The following SIK2 variants were observed in gnomAD, a reference collection of about 807,000 sequenced individuals.
The protein encoded by SIK2 is serine/threonine-protein kinase SIK2.
SIK2 carries 29 observed loss-of-function variants against 103.2 expected under a neutral mutation model. That is an observed-to-expected ratio of 0.28 (90% CI 0.21 to 0.38). The LOEUF is 0.38. Among genes scored for constraint, SIK2 ranks in the 10% least tolerant of loss-of-function variants. SIK2 has a pLI of 1.00. For synonymous variants in SIK2, 412 were observed against 446.1 expected (o/e 0.92, Z 0.96); for missense variants, 879 against 1,171.0 (o/e 0.75, Z 3.64).
At chr11:111,693,973 T>G (rs1331250901) in intron 4 of SIK2, among the ~76,000 whole-genome samples, 1 of 152,218 alleles carries the variant, frequency 6.6e-6, no homozygotes, top group Non-Finnish European at 1.5e-5. Context: ...CTTCTCAGTT[T>G]CCTTATCTGT....
chr11:111,627,431 A>G (rs781582884), intron 3 of SIK2, among the ~76,000 whole-genome samples: 1 of 152,130 alleles, frequency 6.6e-6, no homozygotes, highest in Non-Finnish European at 1.5e-5. Flanking sequence ...TTAACCTCTT[A>G]CTGTGCCTAA....
chr11:111,663,904 AG>A (rs2135873621), intron 3 of SIK2, among the ~76,000 whole-genome samples: 1 of 152,348 alleles, frequency 6.6e-6, no homozygotes, highest in Non-Finnish European at 1.5e-5. Flanking sequence ...ACTAAAGCAC[AG>A]AAAAGTAGCT....
intron 3 of SIK2, among the ~76,000 whole-genome samples, chr11:111,632,082 A>G (rs1942047641): frequency 6.6e-6 from 1 of 152,200 alleles, no homozygotes; most frequent in Non-Finnish European, 1.5e-5. Context: ...GTAGAAAACA[A>G]TTGTCAGGAG....
chr11:111,613,926 TA>T (rs765575060), intron 1 of SIK2, among the ~76,000 whole-genome samples: 28 of 152,072 alleles, frequency 1.8e-4, no homozygotes, highest in Admixed American at 3.3e-4. Context: ...AGGTGAGAAG[TA>T]AAACTTACAG....
intron 2 of SIK2, among the ~76,000 whole-genome samples, chr11:111,617,461 G>A (rs1433730805): frequency 6.6e-6 from 1 of 152,182 alleles, no homozygotes; most frequent in Non-Finnish European, 1.5e-5. Context: ...ATGGTATGCT[G>A]GACTCCGCCT....
At position 111,608,788 on chromosome 11, in the gene SIK2, A is replaced by C. The variant is rs114361704; in HGVS notation, c.135+6090A>C. 5.8e-3 allele frequency among the ~76,000 whole-genome samples: 890 copies of C among 152,250 alleles called. 12 individuals are homozygous for C. Among genetic ancestry groups the C allele is most frequent in the African/African-American group, 0.02 (851 of 41,540 alleles). ...TACATACATCTTTGTGCATGTATCT[A>C]ATTATTTCCTCAGTGTAATTGCCTA... On this transcript the variant is annotated intron_variant, in intron 1 of 14. Coordinates refer to ENST00000304987, the MANE Select transcript of SIK2 (RefSeq NM_015191.3).
intron 4 of SIK2, among the ~76,000 whole-genome samples, chr11:111,697,715 A>G (rs538861898): frequency 1.3e-5 from 2 of 152,222 alleles, no homozygotes. Context: ...TGTTTGGCAG[A>G]GGGCAGTGGC....
chr11:111,644,894 T>C (rs1942235243), intron 3 of SIK2, among the ~76,000 whole-genome samples: 1 of 152,218 alleles, frequency 6.6e-6, no homozygotes, highest in South Asian at 2.1e-4. Flanking sequence ...CTGAAGTTAC[T>C]AATGGGCTGG....
rs373744272 is a variant in SIK2, at chr11:111,715,960, C to T, written c.1266+3585C>T. On this transcript the variant is annotated intron_variant, in intron 9 of 14. Coordinates refer to ENST00000304987, the MANE Select transcript of SIK2 (RefSeq NM_015191.3). ...GGGAGTACAGGCGCCTGCCACCACA[C>T]CCAGCTAAGTTCTGTACTTTTAGTA... is the stretch of plus-strand genomic sequence containing the variant. Among the ~76,000 whole-genome samples, 23 of 152,124 alleles carry T rather than the reference C, an allele frequency of 1.5e-4. No individual in the cohort carries two copies. The East Asian group carries it at 2.1e-3, about 14-fold the overall frequency.
At chr11:111,626,247 G>A (rs1941958814) in intron 3 of SIK2, among the ~76,000 whole-genome samples, 1 of 152,082 alleles carries the variant, frequency 6.6e-6, no homozygotes, top group African/African-American at 2.4e-5. Flanking sequence ...TGAAATCTTT[G>A]GATAGTCTTC....
At chr11:111,624,530 T>C (rs1350885624) in intron 3 of SIK2, among the ~76,000 whole-genome samples, 1 of 152,248 alleles carries the variant, frequency 6.6e-6, no homozygotes, top group Non-Finnish European at 1.5e-5. Flanking sequence ...TGCCTTTCTT[T>C]CCTATTTCTT....
At chr11:111,638,212 G>C (rs74623938) in intron 3 of SIK2, among the ~76,000 whole-genome samples, 2 of 152,160 alleles carry the variant, frequency 1.3e-5, no homozygotes, top group African/African-American at 4.8e-5. Context: ...GTCAGTATCC[G>C]GTATGCATGT....
intron 2 of SIK2, 77 bp downstream of exon 2, chr11:111,616,436 T>C (rs866437068): frequency 3.6e-6 from 3 of 840,870 alleles, no homozygotes; most frequent in Middle Eastern, 2.6e-4. Flanking sequence ...TTTCTTCTTA[T>C]ATTTGTTTTT....
chr11:111,723,766 C>T lies in SIK2; in HGVS notation c.2418C>T (p.Ser806=), dbSNP rs750280910. ...EMQLQPLPST[S]GPRAAPPLPT... is the part of the protein sequence containing the mutation. ...AGCTTCAGCCCCTGCCCTCCACTTC[C>T]GGTCCCCGGGCTGCTCCTCCTCTGC... Residue 806 remains serine, a synonymous_variant, in exon 15 of 15, where the codon TCC becomes TCT. Coordinates refer to ENST00000304987, the MANE Select transcript of SIK2 (RefSeq NM_015191.3). 2.0e-5 allele frequency: 32 copies of T among 1,613,988 alleles called. 1 individual carries two copies. Among genetic ancestry groups the T allele is most frequent in the East Asian group, 1.1e-4 (5 of 44,900 alleles).
intron 1 of SIK2, among the ~76,000 whole-genome samples, chr11:111,607,171 T>G (rs1275678548): frequency 6.6e-6 from 1 of 152,190 alleles, no homozygotes; most frequent in Non-Finnish European, 1.5e-5. Context: ...AAAAATGACC[T>G]TATTAAAATG....
In SIK2 at chr11:111,723,764, T is replaced by C. The variant is rs1404282884; in HGVS notation, c.2416T>C (p.Ser806Pro). The change falls in exon 15 of 15, where the codon TCC becomes CCC. Residue 806 changes from serine to proline, a missense_variant. Coordinates refer to ENST00000304987, the MANE Select transcript of SIK2 (RefSeq NM_015191.3). ...EMQLQPLPST[S>P]GPRAAPPLPT... is the part of the protein sequence containing the mutation. ...GCAGCTTCAGCCCCTGCCCTCCACTTCCGGTCCCCGGGCTGCTCCTCCTCT... is the reference window on the plus strand; with the variant it reads ...GCAGCTTCAGCCCCTGCCCTCCACTCCCGGTCCCCGGGCTGCTCCTCCTCT... The C allele has an allele frequency of 6.2e-7, 1 of 1,614,018 alleles. No homozygotes were observed. The highest frequency in any genetic ancestry group is 8.5e-7 in the Non-Finnish European group (1 of 1,180,038).
chr11:111,688,240 G>T lies in SIK2; in HGVS notation c.478+78G>T, dbSNP rs759660678. On this transcript the variant is annotated intron_variant, in intron 4 of 14. Transcript: ENST00000304987. This position sits in a 1 kb window ranked among gnomAD's most constrained non-coding sequence, Gnocchi z 4.2. ...AGTGTGTGGAAACAGACCTGCAGGC[G>T]CAGATTCAGCAGCATTTCTACCTGA... 7 of 1,402,550 alleles carry T rather than the reference G, an allele frequency of 5.0e-6. No homozygotes were observed. Among genetic ancestry groups the T allele is most frequent in the Middle Eastern group, 1.8e-4 (1 of 5,548 alleles). 86.9% of individuals were successfully genotyped at this position (1,402,550 alleles called of 1,614,324 possible).
chr11:111,688,262 C>G lies in SIK2; in HGVS notation c.478+100C>G. On this transcript the variant is annotated intron_variant, in intron 4 of 14. Coordinates refer to ENST00000304987, the MANE Select transcript of SIK2 (RefSeq NM_015191.3). This position sits in a 1 kb window ranked among gnomAD's most constrained non-coding sequence, Gnocchi z 4.2. ...GGCGCAGATTCAGCAGCATTTCTAC[C>G]TGATGACATCAGGCTATCTCAAAGT... 4.2e-6 allele frequency: 5 copies of G among 1,183,302 alleles called. No homozygotes were observed. The highest frequency in any genetic ancestry group is 6.1e-6 in the Non-Finnish European group (5 of 814,110). 73.3% of individuals were successfully genotyped at this position (1,183,302 alleles called of 1,614,324 possible). A position where few individuals can be genotyped will look rare whatever the true frequency, so the allele number is the denominator to read the frequency against.
At chr11:111,661,698 G>A (rs1482345169) in intron 3 of SIK2, among the ~76,000 whole-genome samples, 1 of 152,238 alleles carries the variant, frequency 6.6e-6, no homozygotes, top group Non-Finnish European at 1.5e-5. Context: ...GTTCCACATG[G>A]CCAGGGAGGC....
Sources: allele counts gnomAD v4.1 joint callset (sites outside exome capture counted in the v4.1 genomes callset), GRCh38; gene constraint gnomAD v4.1.1; non-coding constraint Gnocchi (gnomAD v3.1); transcripts MANE v1.5; gene names NCBI Gene and HGNC (gene_info 2026-07-23, HGNC 2026-07-21).